The following DMD variants were observed in gnomAD, a reference collection of about 807,000 sequenced individuals.
DMD encodes the protein dystrophin.
A neutral mutation model predicts 330.1 loss-of-function variants in DMD; 63 were observed. That is an observed-to-expected ratio of 0.19 (90% CI 0.16 to 0.24). DMD has a LOEUF of 0.24. Ranked by LOEUF, DMD falls within the 10% of genes least tolerant of loss-of-function variation. The pLI is 1.00. For synonymous variants in DMD, 1,223 were observed against 959.8 expected (o/e 1.27, Z -5.07); for missense variants, 3,344 against 2,684.1 (o/e 1.25, Z -5.43).
intron 44 of DMD, among the ~76,000 whole-genome samples, chrX:32,042,456 T>G (rs2096018539): frequency 9.1e-6 from 1 of 110,360 alleles, no homozygotes; most frequent in Non-Finnish European, 1.9e-5. Flanking sequence ...CCATCTGATC[T>G]CATGATTCAC....
intron 47 of DMD, among the ~76,000 whole-genome samples, chrX:31,893,416 C>G (rs937866408): frequency 9.0e-6 from 1 of 111,630 alleles, no homozygotes; most frequent in Non-Finnish European, 1.9e-5. Context: ...AACCAGAACC[C>G]TACAGTTTTG....
chrX:31,451,319 G>A (rs1156896348), intron 59 of DMD, among the ~76,000 whole-genome samples: 11 of 78,252 alleles, frequency 1.4e-4, no homozygotes, highest in African/African-American at 5.2e-4. Flanking sequence ...TTTCACTCTT[G>A]CTGCCCAGGC....
chrX:31,148,472 TC>T (rs2036996184), intron 74 of DMD, among the ~76,000 whole-genome samples: 1 of 112,433 alleles, frequency 8.9e-6, no homozygotes, highest in Admixed American at 9.4e-5. Flanking sequence ...TTAGGTTGTT[TC>T]CAACTTTTCA....
chrX:33,168,728 GC>G (rs1403163873), intron 1 of DMD, among the ~76,000 whole-genome samples: 1 of 110,271 alleles, frequency 9.1e-6, no homozygotes, highest in Non-Finnish European at 1.9e-5. Context: ...CATTGATGAT[GC>G]CTTGAGTGTG....
chrX:32,825,265 A>C (rs1255422427), intron 4 of DMD, among the ~76,000 whole-genome samples: 1 of 111,456 alleles, frequency 9.0e-6, no homozygotes. Context: ...ACTTAGATCA[A>C]GTAATAGGAA....
chrX:32,947,483 T>A (rs779078784), intron 2 of DMD, among the ~76,000 whole-genome samples: 212 of 111,802 alleles, frequency 1.9e-3, no homozygotes, highest in African/African-American at 5.9e-3. Flanking sequence ...TACATTTTTT[T>A]AAAAATGAAA....
chrX:32,667,290 A>G (rs1487368792), intron 9 of DMD, among the ~76,000 whole-genome samples: 1 of 111,827 alleles, frequency 8.9e-6, no homozygotes, highest in Non-Finnish European at 1.9e-5. Context: ...AGTAAACAGA[A>G]GAGACAACTG....
chrX:32,218,257 G>A (rs1197991068), intron 43 of DMD, among the ~76,000 whole-genome samples: 1 of 111,485 alleles, frequency 9.0e-6, no homozygotes. Context: ...GGACACTGAC[G>A]CTGTTATTTT....
intron 34 of DMD, among the ~76,000 whole-genome samples, chrX:32,377,806 T>G (rs1407577674): frequency 9.0e-6 from 1 of 111,379 alleles, no homozygotes; most frequent in Non-Finnish European, 1.9e-5. Context: ...CTATAATTCA[T>G]AAATATATAC....
intron 1 of DMD, among the ~76,000 whole-genome samples, chrX:33,180,835 T>C (rs1303612753): frequency 1.3e-5 from 1 of 74,079 alleles, no homozygotes; most frequent in Non-Finnish European, 2.6e-5. Context: ...AGAGATAATG[T>C]CTAAGAGCTT....
chrX:33,112,686 T>G (rs1026394692), intron 1 of DMD, among the ~76,000 whole-genome samples: 1 of 111,597 alleles, frequency 9.0e-6, no homozygotes, highest in Non-Finnish European at 1.9e-5. Context: ...ATTATCTACA[T>G]TATTATACTA....
Position 31,974,898 on chromosome X carries a change from TTATA to T in DMD, c.6439-6388_6439-6385del, listed in dbSNP as rs57982168. On this transcript the variant is annotated intron_variant, in intron 44 of 78. Transcript: ENST00000357033. ...GATGTATTTATCTTATTCATATCAA[TTATA>T]TATATATATATAGATTTGTTATTAT... 1.2e-3 allele frequency among the ~76,000 whole-genome samples: 123 copies of T among 105,583 alleles called. No individual in the cohort carries two copies. In the East Asian group the frequency reaches 0.014, roughly 12 times the overall value. 91.7% of individuals were successfully genotyped at this position (105,583 alleles called of 115,157 possible).
At chrX:33,193,807 A>C (rs2050781709) in intron 1 of DMD, among the ~76,000 whole-genome samples, 1 of 111,749 alleles carries the variant, frequency 8.9e-6, no homozygotes, top group Admixed American at 9.6e-5. Context: ...ATTAAGTGTC[A>C]TCATCTAATG....
rs1396565537 is a variant in DMD at position 31,214,943 on chromosome X, T to TCTTTTTC, written c.9362-5245_9362-5244insGAAAAAG. 1.6e-4 allele frequency among the ~76,000 whole-genome samples: 11 copies of TCTTTTTC among 69,415 alleles called. No homozygotes were observed. In the South Asian group the frequency reaches 7.0e-3, roughly 44 times the overall value. 60.3% of individuals were successfully genotyped at this position (69,415 alleles called of 115,157 possible). On this transcript the variant is annotated intron_variant, in intron 64 of 78. Coordinates refer to ENST00000357033, the MANE Select transcript of DMD (RefSeq NM_004006.3). ...ACTTTTTTATTTCTTTTTTCTTTTT[T>TCTTTTTC]TTTTTTTTTTTTTTTTGAGACCGAG...
chrX:32,685,236 G>C (rs937499426), intron 9 of DMD, among the ~76,000 whole-genome samples: 1 of 111,032 alleles, frequency 9.0e-6, no homozygotes, highest in African/African-American at 3.3e-5. Context: ...AAATTATAAA[G>C]TAGAAGTAGA....
In DMD at chrX:33,033,306, A is replaced by G. The variant is rs185681788; in HGVS notation, c.32-13106T>C. ...TTATTTCTGTACTAAGATCGGTGAC[A>G]GGACTACACCGAGAACACGTCCCTC... On this transcript the variant is annotated intron_variant, in intron 1 of 78. Transcript: ENST00000357033. Among the ~76,000 whole-genome samples, 396 of 109,911 alleles carry G rather than the reference A, an allele frequency of 3.6e-3. 2 individuals are homozygous for G. The highest frequency in any genetic ancestry group is 6.0e-3 in the Non-Finnish European group (315 of 52,724).
chrX:32,682,002 C>T (rs1273966147), intron 9 of DMD, among the ~76,000 whole-genome samples: 1 of 111,390 alleles, frequency 9.0e-6, no homozygotes, highest in Non-Finnish European at 1.9e-5. Flanking sequence ...TGATGCCAAG[C>T]TAGTAGGCCA....
chrX:32,570,117 C>A (rs1290707147), intron 15 of DMD, among the ~76,000 whole-genome samples: 1 of 111,434 alleles, frequency 9.0e-6, no homozygotes, highest in Non-Finnish European at 1.9e-5. Context: ...GCAAGCAGGA[C>A]ACAATCCCAT....
chrX:31,634,800 T>C (rs2079320341), intron 54 of DMD, among the ~76,000 whole-genome samples: 1 of 111,532 alleles, frequency 9.0e-6, no homozygotes, highest in African/African-American at 3.2e-5. Flanking sequence ...ATGTGTTTTC[T>C]ACTTTACTTT....
Sources: gnomAD v4.1 joint callset for allele counts (sites outside exome capture counted in the v4.1 genomes callset) on GRCh38, gnomAD v4.1.1 for gene constraint, MANE v1.5 for transcripts, NCBI Gene and HGNC (gene_info 2026-07-23, HGNC 2026-07-21) for gene names.